FOXP2: variants seen among roughly 807,000 people sequenced by gnomAD.
FOXP2 encodes the protein forkhead box protein P2.
Under a neutral mutation model 115.8 loss-of-function variants are expected in FOXP2, and 12 were observed. The observed-to-expected ratio is 0.10, with a 90% CI of 0.07 to 0.17. FOXP2 has a LOEUF of 0.17. Among genes scored for constraint, FOXP2 ranks in the 10% least tolerant of loss-of-function variants. The pLI is 1.00. For missense variants in FOXP2, 629 were observed against 843.5 expected, an observed-to-expected ratio of 0.75 and a Z score of 3.15; for synonymous variants, 328 against 297.7, an observed-to-expected ratio of 1.10 and a Z score of -1.05.
intron 4 of FOXP2, chr7:114,629,586 GTTTAGGA>G (rs1262751383): frequency 6.5e-7 from 1 of 1,543,376 alleles, no homozygotes; most frequent in East Asian, 2.4e-5. Flanking sequence ...ATACCCTTTT[GTTTAGGA>G]TTTTTTGGAT....
intron 14 of FOXP2, among the ~76,000 whole-genome samples, chr7:114,663,115 T>A (rs577067023): frequency 1.7e-4 from 26 of 152,264 alleles, no homozygotes; most frequent in African/African-American, 6.3e-4. Context: ...GTATTGTATA[T>A]TTACATTTTA....
intron 2 of FOXP2, among the ~76,000 whole-genome samples, chr7:114,367,876 G>A (rs943406939): frequency 3.3e-5 from 5 of 152,126 alleles, no homozygotes; most frequent in South Asian, 2.1e-4. Context: ...ATAAATACAC[G>A]TGTATATACA....
At chr7:114,292,813 A>G (rs754563281) in intron 2 of FOXP2, among the ~76,000 whole-genome samples, 2 of 152,236 alleles carry the variant, frequency 1.3e-5, no homozygotes, top group Non-Finnish European at 2.9e-5. Context: ...AATGTTGCAT[A>G]TAATAGTATC....
chr7:114,100,563 G>A (rs1799755843), intron 1 of FOXP2, among the ~76,000 whole-genome samples: 1 of 152,126 alleles, frequency 6.6e-6, no homozygotes, highest in African/African-American at 2.4e-5. Flanking sequence ...TATCCAGCAT[G>A]TAAAGATTTT....
intron 2 of FOXP2, among the ~76,000 whole-genome samples, chr7:114,503,236 C>A (rs1280354383): frequency 6.6e-6 from 1 of 151,772 alleles, no homozygotes; most frequent in East Asian, 1.9e-4. Flanking sequence ...CAAGTGACAG[C>A]AAATTTGACC....
intron 13 of FOXP2, among the ~76,000 whole-genome samples, chr7:114,661,480 T>TA (rs1806857576): frequency 1.3e-5 from 2 of 151,894 alleles, no homozygotes; most frequent in South Asian, 2.1e-4. Context: ...ATTGGGAATT[T>TA]AAAAAAAATC....
chr7:114,147,076 T>C (rs1050633804), intron 1 of FOXP2, among the ~76,000 whole-genome samples: 5 of 152,222 alleles, frequency 3.3e-5, no homozygotes, highest in Admixed American at 1.3e-4. Flanking sequence ...TAGAATAGTA[T>C]AGAGAAAATG....
chr7:114,351,194 T>A (rs1791480947), intron 2 of FOXP2, among the ~76,000 whole-genome samples: 1 of 152,134 alleles, frequency 6.6e-6, no homozygotes. Flanking sequence ...TCTGTTGCAA[T>A]GGGATTTGAC....
chr7:114,213,685 C>T (rs559577561), intron 1 of FOXP2, among the ~76,000 whole-genome samples: 2 of 152,284 alleles, frequency 1.3e-5, no homozygotes, highest in Admixed American at 6.5e-5. Context: ...TATGACCCAA[C>T]TCTTAGTTAC....
intron 1 of FOXP2, among the ~76,000 whole-genome samples, chr7:114,179,447 G>A (rs554667870): frequency 6.6e-6 from 1 of 151,980 alleles, no homozygotes; most frequent in South Asian, 2.1e-4. Flanking sequence ...TTTCCACTCA[G>A]TATTTTGTTT....
At chr7:114,678,651 A>C (rs1348054006) in intron 16 of FOXP2, among the ~76,000 whole-genome samples, 1 of 145,838 alleles carries the variant, frequency 6.9e-6, no homozygotes, top group Non-Finnish European at 1.5e-5. Flanking sequence ...AAAATGCTAT[A>C]AGAACACAGA....
intron 3 of FOXP2, among the ~76,000 whole-genome samples, chr7:114,613,451 G>A (rs938601720): frequency 3.9e-5 from 6 of 151,944 alleles, no homozygotes; most frequent in African/African-American, 1.5e-4. Context: ...CAAGGCAGGC[G>A]GATCATGAGG....
intron 2 of FOXP2, among the ~76,000 whole-genome samples, chr7:114,324,604 T>C (rs749113528): frequency 1.8e-4 from 27 of 151,918 alleles, no homozygotes; most frequent in Non-Finnish European, 3.5e-4. Flanking sequence ...TTCAACATAT[T>C]ACCTATTCCC....
At chr7:114,295,071 T>C (rs998572756) in intron 2 of FOXP2, among the ~76,000 whole-genome samples, 4 of 152,222 alleles carry the variant, frequency 2.6e-5, no homozygotes, top group Admixed American at 6.5e-5. Flanking sequence ...TTTATGTTTA[T>C]AGTTTTAAAC....
chr7:114,528,239 C>T (rs1365712228), intron 2 of FOXP2, among the ~76,000 whole-genome samples: 1 of 152,046 alleles, frequency 6.6e-6, no homozygotes, highest in Non-Finnish European at 1.5e-5. Context: ...GGCCTTCTGT[C>T]ATCTCCACGA....
intron 2 of FOXP2, among the ~76,000 whole-genome samples, chr7:114,439,667 C>T (rs960984642): frequency 6.6e-6 from 1 of 152,052 alleles, no homozygotes; most frequent in Non-Finnish European, 1.5e-5. Context: ...AGATTAGCCT[C>T]CTGAGTAGCT....
intron 3 of FOXP2, among the ~76,000 whole-genome samples, chr7:114,625,425 C>A (rs1584963803): frequency 6.6e-6 from 1 of 151,704 alleles, no homozygotes; most frequent in African/African-American, 2.4e-5. Context: ...TAGTCTAACA[C>A]CGAACTTGCT....
chr7:114,486,358 C>CA (rs1796773219), intron 2 of FOXP2, among the ~76,000 whole-genome samples: 1 of 151,998 alleles, frequency 6.6e-6, no homozygotes, highest in Non-Finnish European at 1.5e-5. Context: ...GGGAAAAACC[C>CA]ACCCCCATGA....
intron 2 of FOXP2, among the ~76,000 whole-genome samples, chr7:114,313,815 A>T (rs1797208469): frequency 6.6e-6 from 1 of 152,176 alleles, no homozygotes. Flanking sequence ...TGTTAAAAAT[A>T]ACTACAAGAA....
Sources: allele counts gnomAD v4.1 joint callset (sites outside exome capture counted in the v4.1 genomes callset), GRCh38; gene constraint gnomAD v4.1.1; transcripts MANE v1.5; gene names NCBI Gene and HGNC (gene_info 2026-07-23, HGNC 2026-07-21).